Variants in MBTPS1 observed in about 807,000 individuals in gnomAD.
The protein encoded by MBTPS1 is membrane bound transcription factor peptidase, site 1.
In MBTPS1, 94 loss-of-function variants were observed where a neutral mutation model predicts 127.8. The ratio of observed to expected loss-of-function variants is 0.74; its 90% CI spans 0.62 to 0.87. MBTPS1 has a LOEUF of 0.87. Among genes scored for constraint, MBTPS1 ranks in the 40% least tolerant of loss-of-function variants. The pLI, the probability that MBTPS1 is intolerant of heterozygous loss-of-function variation, is 0.00. For synonymous variants in MBTPS1, 632 were observed against 509.4 expected, an observed-to-expected ratio of 1.24 and a Z score of -3.24; for missense variants, 1,636 against 1,353.2, an observed-to-expected ratio of 1.21 and a Z score of -3.28.
In MBTPS1 at chr16:84,063,545, A is replaced by C. The variant is rs1489611886; in HGVS notation, c.2432-100T>G. ...CACGTGACAAATAAACCACATTTACAAAATCTAATATTCAATTAAAACATT... is the reference window on the plus strand; with the variant it reads ...CACGTGACAAATAAACCACATTTACCAAATCTAATATTCAATTAAAACATT... On this transcript the variant is annotated intron_variant, in intron 18 of 22. Transcript: ENST00000343411. 8.6e-6 allele frequency: 10 copies of C among 1,159,632 alleles called. No homozygotes were observed. In the South Asian group the frequency reaches 1.6e-4, roughly 18 times the overall value. 71.8% of individuals were successfully genotyped at this position (1,159,632 alleles called of 1,614,324 possible).
At chr16:84,071,360 G>A (rs990826738) in intron 12 of MBTPS1, among the ~76,000 whole-genome samples, 6 of 152,138 alleles carry the variant, frequency 3.9e-5, no homozygotes, top group East Asian at 1.9e-4. Context: ...GCAACTAACC[G>A]GTATTTCAGA....
chr16:84,082,545 TG>T (rs2085957051), intron 10 of MBTPS1, among the ~76,000 whole-genome samples: 1 of 152,184 alleles, frequency 6.6e-6, no homozygotes, highest in Non-Finnish European at 1.5e-5. Context: ...GAACTTAGCC[TG>T]GTGATACTAG....
chr16:84,074,139 G>A lies in MBTPS1; in HGVS notation c.1593+458C>T, dbSNP rs541562755. Among the ~76,000 whole-genome samples, 21 of 152,220 alleles carry A rather than the reference G, an allele frequency of 1.4e-4. 1 individual carries two copies. The highest frequency in any genetic ancestry group is 5.1e-4 in the African/African-American group (21 of 41,518). ...GATGCCAAAGCAAAAAAGTAAAATT[G>A]GTTTCATTAATTTATACCCTGACTT... On this transcript the variant is annotated intron_variant, in intron 12 of 22. Transcript: ENST00000343411.
intron 3 of MBTPS1, among the ~76,000 whole-genome samples, chr16:84,096,538 G>C (rs2086182278): frequency 6.6e-6 from 1 of 152,190 alleles, no homozygotes; most frequent in South Asian, 2.1e-4. Flanking sequence ...AATGGCCTAA[G>C]GGTTTTCCCT....
At chr16:84,100,436 C>T (rs932547383) in intron 2 of MBTPS1, among the ~76,000 whole-genome samples, 3 of 151,772 alleles carry the variant, frequency 2.0e-5, no homozygotes, top group Non-Finnish European at 4.4e-5. Context: ...CCCAGCTACT[C>T]GGGAGGCTGA....
At position 84,087,352 on chromosome 16, in the gene MBTPS1, G is replaced by T; in HGVS notation, c.1134+6C>A. ...AAATACAATTATTTAGCAAAGAAGAGCGTACCCAGGTAGTCATTCCCCTTG... is the reference window on the plus strand; with the variant it reads ...AAATACAATTATTTAGCAAAGAAGATCGTACCCAGGTAGTCATTCCCCTTG... On this transcript the variant is annotated splice_donor_region_variant and intron_variant, in intron 9 of 22. Transcript: ENST00000343411. The T allele has an allele frequency of 6.2e-7, 1 of 1,605,666 alleles. No individual in the cohort carries two copies. The highest frequency in any genetic ancestry group is 8.5e-7 in the Non-Finnish European group (1 of 1,172,708).
intron 21 of MBTPS1, 145 bp from the exon 22 acceptor site, chr16:84,056,280 A>G (rs2085520740): frequency 8.1e-6 from 5 of 619,712 alleles, no homozygotes; most frequent in African/African-American, 5.5e-5. Context: ...GGCCACCTAA[A>G]TGCCACTGAC....
At position 84,060,723 on chromosome 16, in the gene MBTPS1, G is replaced by A; in HGVS notation, c.2663C>T (p.Pro888Leu). Residue 888 changes from proline (P) to leucine (L), a missense_variant, in exon 20 of 23, where the codon CCT (proline) becomes CTT (leucine). Physicochemically the swap from Pro to Leu is moderately conservative, Grantham distance 98. Transcript: ENST00000343411. ...SLSHSGNRQR[P>L]PSGAGSVTPE... Reference sequence around the variant, plus strand: ...AGTGACTGAGCCTGCTCCACTGGGAGGGCGCTGGCGGTTCCCAGAGTGACT... The same window carrying A: ...AGTGACTGAGCCTGCTCCACTGGGAAGGCGCTGGCGGTTCCCAGAGTGACT... 1 of 1,613,696 alleles carries A rather than the reference G, an allele frequency of 6.2e-7. No individual in the cohort carries two copies. The highest frequency in any genetic ancestry group is 8.5e-7 in the Non-Finnish European group (1 of 1,179,828).
chr16:84,055,065 G>T (rs995062249), intron 22 of MBTPS1, among the ~76,000 whole-genome samples: 4 of 152,228 alleles, frequency 2.6e-5, no homozygotes, highest in African/African-American at 9.6e-5. Flanking sequence ...GGAGAAAGGG[G>T]GCGTGGCGGA....
At chr16:84,083,630 T>C (rs1024370842) in intron 10 of MBTPS1, among the ~76,000 whole-genome samples, 3 of 152,162 alleles carry the variant, frequency 2.0e-5, no homozygotes, top group African/African-American at 7.2e-5. Flanking sequence ...CAAAATAATA[T>C]CTGGCATCAG....
chr16:84,111,540 CAA>C (rs5818482), intron 1 of MBTPS1, among the ~76,000 whole-genome samples: 18 of 134,578 alleles, frequency 1.3e-4, no homozygotes, highest in South Asian at 2.4e-4. Context: ...GACTCCATCT[CAA>C]AAAAAAAAAA....
intron 12 of MBTPS1, among the ~76,000 whole-genome samples, chr16:84,073,805 G>C (rs531085002): frequency 1.7e-4 from 26 of 152,248 alleles, no homozygotes; most frequent in African/African-American, 6.3e-4. Context: ...AGGAATTCGA[G>C]ACCAGCCTGG....
intron 1 of MBTPS1, among the ~76,000 whole-genome samples, chr16:84,107,395 C>T (rs2086339533): frequency 6.6e-6 from 1 of 152,104 alleles, no homozygotes; most frequent in South Asian, 2.1e-4. Flanking sequence ...AATGATAAGG[C>T]TGGAAATGAC....
At chr16:84,069,014 C>T (rs1159047102) in intron 14 of MBTPS1, among the ~76,000 whole-genome samples, 3 of 152,218 alleles carry the variant, frequency 2.0e-5, no homozygotes, top group Non-Finnish European at 4.4e-5. Flanking sequence ...TCCTCTCCTG[C>T]AGGCCAACGG....
intron 19 of MBTPS1, 96 bp from the exon 20 acceptor site, chr16:84,060,909 C>T: frequency 1.6e-6 from 2 of 1,243,938 alleles, no homozygotes; most frequent in Non-Finnish European, 2.2e-6. Flanking sequence ...TCATAGCTCA[C>T]TGCAGCCTTG....
intron 22 of MBTPS1, among the ~76,000 whole-genome samples, 186 bp downstream of exon 22, chr16:84,055,818 TA>T (rs761746197): frequency 6.6e-6 from 1 of 152,212 alleles, no homozygotes; most frequent in Non-Finnish European, 1.5e-5. Flanking sequence ...AACAATCTCT[TA>T]ATCTGTCAGG....
intron 1 of MBTPS1, among the ~76,000 whole-genome samples, chr16:84,116,383 G>C (rs1179732012): frequency 1.3e-5 from 2 of 152,238 alleles, no homozygotes; most frequent in African/African-American, 4.8e-5. Context: ...AAGAATCGAC[G>C]TCTTTTAAAC....
chr16:84,114,025 C>T (rs748164489), intron 1 of MBTPS1, among the ~76,000 whole-genome samples: 1 of 145,872 alleles, frequency 6.9e-6, no homozygotes, highest in Non-Finnish European at 1.5e-5. Context: ...AGTGCAATGG[C>T]GCGATCTCAG....
chr16:84,109,747 T>C (rs567250076), intron 1 of MBTPS1, among the ~76,000 whole-genome samples: 2 of 152,250 alleles, frequency 1.3e-5, no homozygotes, highest in South Asian at 2.1e-4. Flanking sequence ...AACTCATGAA[T>C]CCAAACTGGA....
Sources: gnomAD v4.1 joint callset for allele counts (sites outside exome capture counted in the v4.1 genomes callset) on GRCh38, gnomAD v4.1.1 for gene constraint, MANE v1.5 for transcripts, NCBI Gene and HGNC (gene_info 2026-07-23, HGNC 2026-07-21) for gene names.